Variants in RAB38 observed in about 807,000 individuals in gnomAD.
RAB38 encodes the protein ras-related protein Rab-38.
Under a neutral mutation model 18.4 loss-of-function variants are expected in RAB38, and 15 were observed. The observed-to-expected ratio is 0.82, with a 90% CI of 0.55 to 1.26. The LOEUF is 1.26. RAB38 is among the 50% of genes most tolerant of loss of function. RAB38 has a pLI of 0.00. For synonymous variants in RAB38, 101 were observed against 104.4 expected (o/e 0.97, Z 0.20); for missense variants, 294 against 267.4 (o/e 1.10, Z -0.69).
At chr11:87,859,212 G>A in the RAB38 span, among the ~76,000 whole-genome samples, 12 of 151,554 alleles carry the variant, frequency 7.9e-5, no homozygotes, top group South Asian at 8.4e-4. Flanking sequence ...ATGTTTATAC[G>A]CCATTGAGAA....
At chr11:87,954,940 A>G in the RAB38 span, among the ~76,000 whole-genome samples, 22 of 152,348 alleles carry the variant, frequency 1.4e-4, no homozygotes, top group African/African-American at 5.3e-4. Flanking sequence ...AGCAGAGGAA[A>G]GAATTTCTGA....
chr11:87,933,118 G>C, the RAB38 span, among the ~76,000 whole-genome samples: 7 of 152,046 alleles, frequency 4.6e-5, no homozygotes, highest in Non-Finnish European at 4.4e-5. Flanking sequence ...GAAATAAACT[G>C]ACTCAAGTTC....
the RAB38 span, among the ~76,000 whole-genome samples, chr11:87,893,686 C>A: frequency 6.6e-6 from 1 of 151,512 alleles, no homozygotes; most frequent in Non-Finnish European, 1.5e-5. Flanking sequence ...CTCTTCCTCT[C>A]GTGATCTCAC....
chr11:88,116,099 G>A (rs961100858), intron 2 of RAB38, among the ~76,000 whole-genome samples: 12 of 152,142 alleles, frequency 7.9e-5, no homozygotes, highest in Admixed American at 5.2e-4. Flanking sequence ...TTAGTGTCAC[G>A]TCTAAGGGTC....
At chr11:88,051,049 C>T in the RAB38 span, among the ~76,000 whole-genome samples, 1 of 152,054 alleles carries the variant, frequency 6.6e-6, no homozygotes, top group African/African-American at 2.4e-5. Flanking sequence ...ACATTTTGTT[C>T]ATTATAAATT....
chr11:88,116,637 C>A (rs952258923), intron 2 of RAB38, among the ~76,000 whole-genome samples: 5 of 152,068 alleles, frequency 3.3e-5, no homozygotes, highest in African/African-American at 7.2e-5. Context: ...CAGGAACAAT[C>A]ACAAATAAAA....
At chr11:87,884,202 C>T in the RAB38 span, among the ~76,000 whole-genome samples, 1 of 151,890 alleles carries the variant, frequency 6.6e-6, no homozygotes, top group Non-Finnish European at 1.5e-5. Flanking sequence ...ACTAATGGGA[C>T]AAAACCCCTA....
the RAB38 span, among the ~76,000 whole-genome samples, chr11:88,029,647 T>C: frequency 1.3e-5 from 2 of 152,206 alleles, no homozygotes; most frequent in East Asian, 1.9e-4. Flanking sequence ...CATTACATAA[T>C]GGTAAAGGCA....
At chr11:88,036,131 T>C in the RAB38 span, among the ~76,000 whole-genome samples, 25 of 152,290 alleles carry the variant, frequency 1.6e-4, 1 homozygote, top group East Asian at 4.8e-3. Context: ...CAAATTTTGA[T>C]AATGGGAGTC....
the RAB38 span, among the ~76,000 whole-genome samples, chr11:87,804,533 T>C: frequency 1.6e-3 from 246 of 152,330 alleles, 1 homozygote; most frequent in African/African-American, 5.5e-3. Context: ...TAAATTTTGC[T>C]GATGGTCTTA....
At chr11:88,037,580 C>T in the RAB38 span, among the ~76,000 whole-genome samples, 2 of 152,074 alleles carry the variant, frequency 1.3e-5, no homozygotes, top group Non-Finnish European at 2.9e-5. Flanking sequence ...TGTAATAAAT[C>T]GCCACTACCA....
At chr11:88,026,211 GA>G in the RAB38 span, among the ~76,000 whole-genome samples, 1 of 151,980 alleles carries the variant, frequency 6.6e-6, no homozygotes. Context: ...TAAAGATATG[GA>G]AAATAGATTA....
chr11:87,885,818 C>A, the RAB38 span, among the ~76,000 whole-genome samples: 1 of 151,862 alleles, frequency 6.6e-6, no homozygotes, highest in Non-Finnish European at 1.5e-5. Context: ...AAATGAGGTA[C>A]CAGCAATTTG....
chr11:88,052,965 TG>T, the RAB38 span, among the ~76,000 whole-genome samples: 3 of 125,576 alleles, frequency 2.4e-5, no homozygotes, highest in Admixed American at 9.3e-5. Flanking sequence ...ATGATATATA[TG>T]ATATATATGT....
chr11:88,116,860 T>C (rs985737833), intron 2 of RAB38, among the ~76,000 whole-genome samples: 1 of 152,206 alleles, frequency 6.6e-6, no homozygotes, highest in African/African-American at 2.4e-5. Context: ...TTTTCCTTCA[T>C]CATAACGTGC....
chr11:88,035,368 C>G, the RAB38 span, among the ~76,000 whole-genome samples: 2 of 151,936 alleles, frequency 1.3e-5, no homozygotes, highest in East Asian at 3.9e-4. Context: ...TTTTTTTTCT[C>G]AGAAACATTG....
intron 2 of RAB38, among the ~76,000 whole-genome samples, chr11:88,143,361 T>C (rs530132534): frequency 1.2e-3 from 187 of 152,356 alleles, no homozygotes; most frequent in African/African-American, 4.4e-3. Context: ...TGGTAAATAA[T>C]TGAAGCTCTG....
chr11:88,052,208 G>A, the RAB38 span, among the ~76,000 whole-genome samples: 5 of 151,990 alleles, frequency 3.3e-5, no homozygotes, highest in Non-Finnish European at 7.4e-5. Context: ...AGAAGAAAGA[G>A]TCAGAAAACT....
chr11:88,017,265 A>G, the RAB38 span, among the ~76,000 whole-genome samples: 3 of 152,058 alleles, frequency 2.0e-5, no homozygotes, highest in African/African-American at 4.8e-5. Context: ...TATTGTACCT[A>G]TGTGCATAAA....
Sources: gnomAD v4.1 joint callset for allele counts (sites outside exome capture counted in the v4.1 genomes callset) on GRCh38, gnomAD v4.1.1 for gene constraint, MANE v1.5 for transcripts, NCBI Gene and HGNC (gene_info 2026-07-23, HGNC 2026-07-21) for gene names.